The following CTSC variants were observed in gnomAD, a reference collection of about 807,000 sequenced individuals.
The protein encoded by CTSC is cathepsin C, also known as dipeptidyl peptidase 1.
In CTSC, 37 loss-of-function variants were observed where a neutral mutation model predicts 40.9. That is an observed-to-expected ratio of 0.91 (90% confidence interval 0.70 to 1.19). CTSC has a LOEUF of 1.19. CTSC is among the 50% of genes most tolerant of loss of function. The pLI is 0.00. For missense variants in CTSC, 594 were observed against 567.3 expected (o/e 1.05, Z -0.48); for synonymous variants, 232 against 207.4 (o/e 1.12, Z -1.02).
intron 2 of CTSC, chr11:88,325,910 C>G: frequency 1.0e-6 from 1 of 989,558 alleles, no homozygotes; most frequent in Non-Finnish European, 1.2e-6. Flanking sequence ...TTTCTCCTTA[C>G]AACAGGCTCT....
intron 2 of CTSC, among the ~76,000 whole-genome samples, chr11:88,329,821 C>T (rs1475307027): frequency 3.9e-5 from 6 of 152,062 alleles, no homozygotes; most frequent in East Asian, 1.9e-4. Context: ...CTGTCTCCAG[C>T]GTTCAAGTGA....
intron 2 of CTSC, among the ~76,000 whole-genome samples, chr11:88,320,021 GC>G (rs1465137637): frequency 1.4e-4 from 21 of 152,218 alleles, no homozygotes; most frequent in African/African-American, 4.8e-4. Flanking sequence ...TTGGTATTTT[GC>G]CAAATCCATC....
intron 2 of CTSC, among the ~76,000 whole-genome samples, chr11:88,320,371 T>C (rs1937972609): frequency 6.6e-6 from 1 of 152,208 alleles, no homozygotes; most frequent in Non-Finnish European, 1.5e-5. Flanking sequence ...GTCCCTGGGC[T>C]CATTCCTCAC....
chr11:88,331,196 C>T (rs1446417401), intron 2 of CTSC, among the ~76,000 whole-genome samples: 1 of 152,182 alleles, frequency 6.6e-6, no homozygotes, highest in Non-Finnish European at 1.5e-5. Context: ...CAGTGCCCTC[C>T]AGTACAACTC....
At chr11:88,309,420 A>G in intron 3 of CTSC, 102 bp from the exon 4 acceptor site, 2 of 1,000,808 alleles carry the variant, frequency 2.0e-6, no homozygotes, top group South Asian at 1.3e-5. Context: ...AAAGTGGTAC[A>G]ATCTTTCAGG....
chr11:88,312,668 C>T (rs1404224928), intron 2 of CTSC, 114 bp from the exon 3 acceptor site: 2 of 1,154,940 alleles, frequency 1.7e-6, no homozygotes, highest in Non-Finnish European at 2.6e-6. Flanking sequence ...AAAACTTCAC[C>T]CTGAGAGGTT....
At chr11:88,325,437 A>G in intron 2 of CTSC, 1 of 985,448 alleles carries the variant, frequency 1.0e-6, no homozygotes, top group Non-Finnish European at 1.2e-6. Context: ...ACAGACTGGA[A>G]TTTACCAGGA....
intron 4 of CTSC, 58 bp from the exon 5 acceptor site, chr11:88,300,703 C>A (rs1158125708): frequency 2.1e-5 from 22 of 1,067,442 alleles, no homozygotes; most frequent in African/African-American, 4.7e-5. Flanking sequence ...AGGATGATTT[C>A]CTAAACTCTA....
At chr11:88,294,782 CAAAGCCG>C (rs1944279928) in intron 6 of CTSC, among the ~76,000 whole-genome samples, 2 of 152,196 alleles carry the variant, frequency 1.3e-5, no homozygotes, top group African/African-American at 4.8e-5. Flanking sequence ...GGTTTAAAGC[CAAAGCCG>C]TGTGAAGAGT....
chr11:88,335,115 A>C (rs1250076349), intron 1 of CTSC, 33 bp from the exon 2 acceptor site: 1 of 1,425,686 alleles, frequency 7.0e-7, no homozygotes, highest in Admixed American at 1.7e-5. Context: ...CAATAAAGGA[A>C]AATTATTTGG....
At chr11:88,328,269 A>G in intron 2 of CTSC, 1 of 1,071,332 alleles carries the variant, frequency 9.3e-7, no homozygotes, top group Non-Finnish European at 1.4e-6. Flanking sequence ...AAGACATAAA[A>G]TAGTTAGGCA....
chr11:88,315,198 G>C (rs1937847813), intron 2 of CTSC, among the ~76,000 whole-genome samples: 1 of 151,994 alleles, frequency 6.6e-6, no homozygotes, highest in Non-Finnish European at 1.5e-5. Flanking sequence ...GGCCAGGTAG[G>C]GTTAGGCCGA....
At chr11:88,335,954 T>C (rs1352890139) in intron 1 of CTSC, among the ~76,000 whole-genome samples, 1 of 152,116 alleles carries the variant, frequency 6.6e-6, no homozygotes, top group Non-Finnish European at 1.5e-5. Flanking sequence ...TTCAGCAAAC[T>C]AGAGGTCTGT....
chr11:88,318,277 G>A (rs532365395), intron 2 of CTSC, among the ~76,000 whole-genome samples: 2 of 152,150 alleles, frequency 1.3e-5, no homozygotes, highest in East Asian at 3.8e-4. Flanking sequence ...TATCATTTAC[G>A]TAACCTTGAG....
At chr11:88,328,730 C>T (rs1938261837) in intron 2 of CTSC, among the ~76,000 whole-genome samples, 1 of 152,186 alleles carries the variant, frequency 6.6e-6, no homozygotes, top group Non-Finnish European at 1.5e-5. Flanking sequence ...CGGGTTCAAG[C>T]GATTCTTCTG....
chr11:88,314,242 C>T (rs1180823634), intron 2 of CTSC, among the ~76,000 whole-genome samples: 1 of 152,202 alleles, frequency 6.6e-6, no homozygotes, highest in African/African-American at 2.4e-5. Context: ...ATGAGCTAGG[C>T]TGTGTTCCAA....
chr11:88,316,552 T>C (rs1487401025), intron 2 of CTSC, among the ~76,000 whole-genome samples: 1 of 152,212 alleles, frequency 6.6e-6, no homozygotes, highest in South Asian at 2.1e-4. Flanking sequence ...CTGTGTTTTA[T>C]GTATACTAAC....
At chr11:88,306,965 T>C (rs1001356982) in intron 4 of CTSC, among the ~76,000 whole-genome samples, 6 of 152,180 alleles carry the variant, frequency 3.9e-5, no homozygotes, top group Non-Finnish European at 7.4e-5. Context: ...CCTGCCCCTC[T>C]GCATGCTCCC....
At position 88,310,618 on chromosome 11, in the gene CTSC, G is replaced by A. The variant is rs376279412; in HGVS notation, c.486-1300C>T. ...GAGCACTGAAAATAATCAGAAAAAC[G>A]TGCAACCAGGTTGATAATGTTTTAA... is the stretch of plus-strand genomic sequence containing the variant. On this transcript the variant is annotated intron_variant, in intron 3 of 6. Coordinates refer to ENST00000227266, the MANE Select transcript of CTSC (RefSeq NM_001814.6). Among the ~76,000 whole-genome samples, 9 of 151,998 alleles carry A rather than the reference G, an allele frequency of 5.9e-5. No homozygotes were observed. The East Asian group carries it at 9.6e-4, about 16-fold the overall frequency.
Sources: gnomAD v4.1 joint callset for allele counts (sites outside exome capture counted in the v4.1 genomes callset) on GRCh38, gnomAD v4.1.1 for gene constraint, MANE v1.5 for transcripts, NCBI Gene and HGNC (gene_info 2026-07-23, HGNC 2026-07-21) for gene names.